The following MELK variants were observed in gnomAD, a reference collection of about 807,000 sequenced individuals.
MELK encodes the protein pEg3 kinase.
A neutral mutation model predicts 85.0 loss-of-function variants in MELK; 81 were observed. The observed-to-expected ratio is 0.95, with a 90% CI of 0.80 to 1.15. The LOEUF (loss-of-function observed/expected upper bound fraction) is 1.15. MELK is among the 50% of genes most tolerant of loss of function. The probability of loss-of-function intolerance (pLI) is 0.00; values close to 1 mark genes in which losing one functional copy is unlikely to be tolerated. For synonymous variants in MELK, 252 were observed against 265.0 expected (o/e 0.95, Z 0.48); for missense variants, 754 against 777.5 (o/e 0.97, Z 0.36).
At chr9:36,627,753 C>T (rs1759557583) in intron 8 of MELK, among the ~76,000 whole-genome samples, 1 of 151,766 alleles carries the variant, frequency 6.6e-6, no homozygotes, top group South Asian at 2.1e-4. Flanking sequence ...TCTCAAACTT[C>T]CGACCTCAGG....
intron 8 of MELK, among the ~76,000 whole-genome samples, chr9:36,620,272 G>A (rs1468454564): frequency 6.6e-6 from 1 of 152,090 alleles, no homozygotes; most frequent in Non-Finnish European, 1.5e-5. Context: ...TTATTAATTT[G>A]GGAAATTTCC....
At chr9:36,644,843 CTA>C (rs1361981346) in intron 11 of MELK, among the ~76,000 whole-genome samples, 1 of 152,174 alleles carries the variant, frequency 6.6e-6, no homozygotes, top group Admixed American at 6.5e-5. Context: ...CCAATTTAAT[CTA>C]TATCCTACCA....
At chr9:36,606,633 ATATATGTATATATGGACACATATG>A (rs1269721514) in intron 7 of MELK, among the ~76,000 whole-genome samples, 1 of 147,082 alleles carries the variant, frequency 6.8e-6, no homozygotes, top group African/African-American at 2.5e-5. Flanking sequence ...ATATATGGAC[ATATATGTATATATGGACACATATG>A]TATATGTATA....
intron 8 of MELK, among the ~76,000 whole-genome samples, chr9:36,616,387 C>CTTTTTTTTTTTT (rs60212848): frequency 5.2e-5 from 6 of 114,640 alleles, no homozygotes; most frequent in South Asian, 5.5e-4. Context: ...ATGTCAAACT[C>CTTTTTTTTTTTT]TTTTTTTTTT....
At chr9:36,576,159 T>C (rs1034492886) in intron 1 of MELK, among the ~76,000 whole-genome samples, 1 of 152,200 alleles carries the variant, frequency 6.6e-6, no homozygotes, top group Non-Finnish European at 1.5e-5. Flanking sequence ...CTCTGTGATA[T>C]CTCCTTGCCT....
At chr9:36,665,204 T>C in intron 13 of MELK, 146 bp from the exon 14 acceptor site, 1 of 607,904 alleles carries the variant, frequency 1.6e-6, no homozygotes, top group South Asian at 2.3e-5. Flanking sequence ...CTATATATTT[T>C]CAAATTTCCT....
chr9:36,622,671 A>T (rs754904029), intron 8 of MELK, among the ~76,000 whole-genome samples: 1 of 152,250 alleles, frequency 6.6e-6, no homozygotes, highest in African/African-American at 2.4e-5. Flanking sequence ...TAGTTTGAAA[A>T]TAAAATTGCT....
At chr9:36,591,169 T>C (rs1823510385) in intron 4 of MELK, among the ~76,000 whole-genome samples, 1 of 152,210 alleles carries the variant, frequency 6.6e-6, no homozygotes, top group Non-Finnish European at 1.5e-5. Flanking sequence ...ATTGTATTAC[T>C]ACACTGTAGA....
At chr9:36,639,473 G>C (rs1829541898) in intron 10 of MELK, among the ~76,000 whole-genome samples, 1 of 152,142 alleles carries the variant, frequency 6.6e-6, no homozygotes, top group Admixed American at 6.5e-5. Context: ...ACATAGTTCT[G>C]GTACCCAAGT....
At chr9:36,617,287 A>G (rs56147224) in intron 8 of MELK, among the ~76,000 whole-genome samples, 2,699 of 151,468 alleles carry the variant, frequency 0.018, 72 homozygotes, top group African/African-American at 0.058. Context: ...CTGTGCAGGA[A>G]TTTTTAGTTT....
intron 7 of MELK, among the ~76,000 whole-genome samples, chr9:36,607,224 A>C (rs1288599477): frequency 1.3e-5 from 2 of 152,248 alleles, no homozygotes; most frequent in Non-Finnish European, 2.9e-5. Flanking sequence ...CTTCATATGT[A>C]ACCTAAACCT....
rs73645805 is a variant in MELK, at chr9:36,592,817, T to C, written c.262-1811T>C. ...TCCTATTGAGGTATAAATTTACATA[T>C]AATAAAATGTACACATTAGGTATGC... On this transcript the variant is annotated intron_variant, in intron 4 of 17. Coordinates refer to ENST00000298048, the MANE Select transcript of MELK (RefSeq NM_014791.4). Among the ~76,000 whole-genome samples, 1,221 of 152,294 alleles carry C rather than the reference T, an allele frequency of 8.0e-3. 12 individuals are homozygous for C. The highest frequency in any genetic ancestry group is 0.028 in the African/African-American group (1,166 of 41,550).
chr9:36,595,003 T>G (rs1372576021), intron 5 of MELK, among the ~76,000 whole-genome samples: 1 of 148,904 alleles, frequency 6.7e-6, no homozygotes, highest in East Asian at 2.0e-4. Flanking sequence ...CTCGGCTCAC[T>G]GCGACCTCCG....
At chr9:36,675,040 C>G in intron 17 of MELK, 103 bp downstream of exon 17, 1 of 720,668 alleles carries the variant, frequency 1.4e-6, no homozygotes, top group South Asian at 1.7e-5. Context: ...AATCCCAGCA[C>G]TTTGGGAGGC....
At chr9:36,616,875 C>A (rs1587451498) in intron 8 of MELK, among the ~76,000 whole-genome samples, 1 of 120,432 alleles carries the variant, frequency 8.3e-6, no homozygotes, top group African/African-American at 3.1e-5. Flanking sequence ...AAACACTGTT[C>A]TGCACTTTGT....
rs545190411 is a variant in MELK at position 36,590,273 on chromosome 9, C to G, written c.261+621C>G. 2.0e-5 allele frequency among the ~76,000 whole-genome samples: 3 copies of G among 152,168 alleles called. 1 individual carries two copies. Among genetic ancestry groups the G allele is most frequent in the Admixed American group, 6.6e-5 (1 of 15,266 alleles). The stretch of plus-strand genomic sequence containing the variant: ...TTCCTAGGGCTGTTGGAACAAATTA[C>G]TACAGACTTGGTGGCTTAAAGCAAC... On this transcript the variant is annotated intron_variant, in intron 4 of 17. Transcript: ENST00000298048.
intron 8 of MELK, among the ~76,000 whole-genome samples, chr9:36,615,079 C>A (rs1046796775): frequency 7.0e-6 from 1 of 143,618 alleles, no homozygotes; most frequent in Non-Finnish European, 1.5e-5. Context: ...TGACCCCCCC[C>A]CCACCTCCCT....
rs146943034 is a variant in MELK, at chr9:36,666,743, A to G, written c.1408+1162A>G. Among the ~76,000 whole-genome samples the G allele has an allele frequency of 2.2e-4, 34 of 152,186 alleles. No homozygotes were observed. The East Asian group carries it at 5.0e-3, about 22-fold the overall frequency. On this transcript the variant is annotated intron_variant, in intron 14 of 17. Coordinates refer to ENST00000298048, the MANE Select transcript of MELK (RefSeq NM_014791.4). ...ATATTACGGAAGACTTTGCCAGAAT[A>G]TTTGCTAGAAGTCCCATTTTTATGT...
At chr9:36,613,651 G>A (rs1587431554) in intron 8 of MELK, among the ~76,000 whole-genome samples, 1 of 152,080 alleles carries the variant, frequency 6.6e-6, no homozygotes, top group Non-Finnish European at 1.5e-5. Context: ...TCATGGAGGC[G>A]AGATGTAAGG....
Sources: gnomAD v4.1 joint callset for allele counts (sites outside exome capture counted in the v4.1 genomes callset) on GRCh38, gnomAD v4.1.1 for gene constraint, MANE v1.5 for transcripts, NCBI Gene and HGNC (gene_info 2026-07-23, HGNC 2026-07-21) for gene names.